The following RGS6 variants were observed in gnomAD, a reference collection of about 807,000 sequenced individuals.
The protein encoded by RGS6 is regulator of G protein signaling 6, also known as regulator of G-protein signaling 6.
A neutral mutation model predicts 78.5 loss-of-function variants in RGS6; 30 were observed. That is an observed-to-expected ratio of 0.38 (90% CI 0.29 to 0.52). RGS6 has a LOEUF of 0.52. Ranked by LOEUF, RGS6 falls within the 20% of genes least tolerant of loss-of-function variation. RGS6 has a pLI of 0.85. For missense variants in RGS6, 495 were observed against 609.7 expected (o/e 0.81, Z 1.98); for synonymous variants, 206 against 206.0 (o/e 1.00, Z 0.00).
At chr14:72,599,713 C>T in the RGS6 span, among the ~76,000 whole-genome samples, 5 of 151,574 alleles carry the variant, frequency 3.3e-5, no homozygotes, top group African/African-American at 7.3e-5. Flanking sequence ...CATGAGCCAC[C>T]GCGCCTGGCC....
chr14:72,297,775 ATCT>A (rs913304986), intron 2 of RGS6, among the ~76,000 whole-genome samples: 6 of 151,548 alleles, frequency 4.0e-5, no homozygotes, highest in Non-Finnish European at 8.8e-5. Flanking sequence ...ATTTATTTAG[ATCT>A]TCTTTAATTT....
At chr14:72,458,119 TC>T in intron 4 of RGS6, 151 bp from the exon 5 acceptor site, 1 of 544,004 alleles carries the variant, frequency 1.8e-6, no homozygotes. Flanking sequence ...CATTGGCATC[TC>T]CCCTCCTCAC....
At chr14:72,201,363 C>G (rs954303098) in intron 2 of RGS6, among the ~76,000 whole-genome samples, 2 of 152,082 alleles carry the variant, frequency 1.3e-5, no homozygotes, top group African/African-American at 2.4e-5. Context: ...AAAGTTTTCC[C>G]TGTCTTTAAA....
At chr14:72,587,960 T>G in the RGS6 span, among the ~76,000 whole-genome samples, 2 of 152,220 alleles carry the variant, frequency 1.3e-5, no homozygotes, top group African/African-American at 4.8e-5. Flanking sequence ...ATGGTAGTGC[T>G]TGACCAGATG....
intron 2 of RGS6, among the ~76,000 whole-genome samples, chr14:72,049,745 T>C (rs1399749477): frequency 6.6e-6 from 1 of 152,220 alleles, no homozygotes. Flanking sequence ...TTGATTTCTG[T>C]TCTTGAAACT....
At chr14:72,084,035 AAC>A (rs1567171402) in intron 2 of RGS6, among the ~76,000 whole-genome samples, 1 of 152,220 alleles carries the variant, frequency 6.6e-6, no homozygotes, top group Non-Finnish European at 1.5e-5. Context: ...CCTTTCTAAA[AAC>A]ACAGTGGTTT....
intron 2 of RGS6, among the ~76,000 whole-genome samples, chr14:72,309,148 T>G (rs1394041529): frequency 6.6e-6 from 1 of 152,180 alleles, no homozygotes; most frequent in Admixed American, 6.5e-5. Context: ...AAGCATTTCA[T>G]GTGGAACCGG....
At chr14:72,383,985 G>C (rs2087057752) in intron 3 of RGS6, among the ~76,000 whole-genome samples, 1 of 152,114 alleles carries the variant, frequency 6.6e-6, no homozygotes, top group South Asian at 2.1e-4. Context: ...TAATATATCT[G>C]TAAGCTTCAA....
chr14:71,917,103 T>A, the RGS6 span, among the ~76,000 whole-genome samples: 5 of 152,188 alleles, frequency 3.3e-5, no homozygotes, highest in African/African-American at 1.2e-4. Flanking sequence ...TGCTTTAAGA[T>A]CCTGGGTCAT....
chr14:71,874,628 C>T, the RGS6 span, among the ~76,000 whole-genome samples: 1 of 152,142 alleles, frequency 6.6e-6, no homozygotes, highest in African/African-American at 2.4e-5. Flanking sequence ...AATGAATACC[C>T]TTTATTTCTT....
the RGS6 span, among the ~76,000 whole-genome samples, chr14:71,921,507 G>A: frequency 6.6e-6 from 1 of 152,172 alleles, no homozygotes; most frequent in African/African-American, 2.4e-5. Context: ...AATATACAAT[G>A]GAATATTATC....
chr14:71,987,829 T>A (rs58002698), intron 2 of RGS6, among the ~76,000 whole-genome samples: 12,039 of 152,116 alleles, frequency 0.079, 640 homozygotes, highest in East Asian at 0.21. Context: ...AACTATATTT[T>A]AAAAAAATAT....
chr14:72,303,461 A>G (rs553921414), intron 2 of RGS6, among the ~76,000 whole-genome samples: 1 of 152,324 alleles, frequency 6.6e-6, no homozygotes, highest in Admixed American at 6.5e-5. Context: ...AGATTGTGCC[A>G]TTGCACTCCA....
At chr14:72,372,600 T>G (rs2083733197) in intron 3 of RGS6, among the ~76,000 whole-genome samples, 1 of 152,178 alleles carries the variant, frequency 6.6e-6, no homozygotes, top group South Asian at 2.1e-4. Context: ...ACTTCTAGGT[T>G]GGGTGTAGGG....
intron 2 of RGS6, among the ~76,000 whole-genome samples, chr14:72,336,901 G>C (rs1317608390): frequency 6.6e-6 from 1 of 152,078 alleles, no homozygotes. Context: ...GTGTGTGCCT[G>C]TCTGTGTCTA....
At chr14:72,418,453 C>T (rs2093972608) in intron 3 of RGS6, among the ~76,000 whole-genome samples, 1 of 152,126 alleles carries the variant, frequency 6.6e-6, no homozygotes, top group Non-Finnish European at 1.5e-5. Flanking sequence ...AGGCATGAGC[C>T]ACCGCGCCCG....
chr14:72,600,213 C>T, the RGS6 span, among the ~76,000 whole-genome samples: 41 of 152,208 alleles, frequency 2.7e-4, no homozygotes, highest in African/African-American at 8.7e-4. Flanking sequence ...GGAAAGTACA[C>T]GAACAATACC....
the RGS6 span, among the ~76,000 whole-genome samples, chr14:71,920,551 T>C: frequency 6.6e-5 from 10 of 152,222 alleles, no homozygotes; most frequent in African/African-American, 2.2e-4. Flanking sequence ...TGCAGAGAAA[T>C]AGAAATTAAA....
chr14:72,524,319 A>G (rs1323010352), intron 15 of RGS6, among the ~76,000 whole-genome samples: 3 of 152,212 alleles, frequency 2.0e-5, no homozygotes, highest in African/African-American at 7.2e-5. Flanking sequence ...AAGATGGTGA[A>G]TCCCATGGTG....
Sources: allele counts gnomAD v4.1 joint callset (sites outside exome capture counted in the v4.1 genomes callset), GRCh38; gene constraint gnomAD v4.1.1; transcripts MANE v1.5; gene names NCBI Gene and HGNC (gene_info 2026-07-23, HGNC 2026-07-21).